CLDN2: variants seen among roughly 807,000 people sequenced by gnomAD.
CLDN2 encodes claudin 2.
CLDN2 carries 1 observed loss-of-function variant against 8.2 expected under a neutral mutation model. That is an observed-to-expected ratio of 0.12 (90% CI 0.04 to 0.58). The LOEUF (loss-of-function observed/expected upper bound fraction) is 0.58. Among genes scored for constraint, CLDN2 ranks in the 20% least tolerant of loss-of-function variants. The pLI, the probability that CLDN2 is intolerant of heterozygous loss-of-function variation, is 0.90. For missense variants in CLDN2, 108 were observed against 172.9 expected (o/e 0.62, Z 2.11); for synonymous variants, 70 against 70.2 (o/e 1.00, Z 0.01).
chrX:106,903,295 G>T, intron 1 of CLDN2: 7 of 1,190,159 alleles, frequency 5.9e-6, no homozygotes, highest in Non-Finnish European at 1.1e-6. Flanking sequence ...CATTCTTAGG[G>T]GACCAAAGCC....
chrX:106,910,735 A>C (rs1210455470), intron 1 of CLDN2, among the ~76,000 whole-genome samples: 3 of 110,287 alleles, frequency 2.7e-5, no homozygotes, highest in Non-Finnish European at 1.9e-5. Flanking sequence ...ATAAAAGTAA[A>C]GGTCAGCAGA....
rs762850832 is a variant in CLDN2, at chrX:106,930,742, A to T, written c.*1821A>T. 1 of 123,278 alleles carries T rather than the reference A, an allele frequency of 8.1e-6. No individual in the cohort carries two copies. The highest frequency in any genetic ancestry group is 3.2e-5 in the African/African-American group (1 of 30,817). 10.2% of individuals were successfully genotyped at this position (123,278 alleles called of 1,213,427 possible). ...TTTGTGTGTGTGTGTCCGATCTCACAAGTATATTGTAAACCCTTCGGTGGG... is the reference window on the plus strand; with the variant it reads ...TTTGTGTGTGTGTGTCCGATCTCACTAGTATATTGTAAACCCTTCGGTGGG... On this transcript the variant is annotated 3_prime_UTR_variant, in exon 2 of 2. Coordinates refer to ENST00000336803, the MANE Select transcript of CLDN2 (RefSeq NM_020384.4).
upstream of CLDN2, among the ~76,000 whole-genome samples, chrX:106,916,321 C>A: frequency 9.0e-6 from 1 of 110,666 alleles, no homozygotes. Flanking sequence ...GAGTTCCAGG[C>A]AGAAGGAACA....
chrX:106,924,329 C>T (rs145068550), intron 1 of CLDN2, among the ~76,000 whole-genome samples: 3,368 of 110,618 alleles, frequency 0.03, 136 homozygotes, highest in African/African-American at 0.1. Context: ...ATGTTTGAAG[C>T]AGTCATCAGA....
upstream of CLDN2, among the ~76,000 whole-genome samples, chrX:106,916,382 T>C (rs1464163614): frequency 1.2e-4 from 13 of 110,909 alleles, no homozygotes; most frequent in Non-Finnish European, 2.5e-4. Context: ...CTTGAGAAAC[T>C]GAAAGGAAGC....
chrX:106,913,160 T>C (rs1167181545), intron 1 of CLDN2, among the ~76,000 whole-genome samples: 1 of 110,742 alleles, frequency 9.0e-6, no homozygotes, highest in Admixed American at 9.6e-5. Context: ...AGTGGCACAA[T>C]CTTGGCTCAC....
At chrX:106,922,312 G>A (rs1436795423) in intron 1 of CLDN2, among the ~76,000 whole-genome samples, 1 of 112,632 alleles carries the variant, frequency 8.9e-6, no homozygotes, top group African/African-American at 3.2e-5. Context: ...CCTCCTGCCT[G>A]GGCATGCTGC....
chrX:106,901,422 C>T, intron 1 of CLDN2: 1 of 1,106,786 alleles, frequency 9.0e-7, no homozygotes, highest in Non-Finnish European at 1.2e-6. Context: ...TGTGAAGATT[C>T]AAAGAGCTAA....
intron 1 of CLDN2, among the ~76,000 whole-genome samples, chrX:106,923,305 G>A (rs968789048): frequency 8.9e-6 from 1 of 112,583 alleles, no homozygotes; most frequent in African/African-American, 3.2e-5. Context: ...ATGGCAAAGC[G>A]TGAGGTGAAA....
intron 1 of CLDN2, chrX:106,902,302 G>C: frequency 6.4e-6 from 5 of 786,147 alleles, no homozygotes; most frequent in South Asian, 2.5e-5. Flanking sequence ...CAAAAGCTTG[G>C]CTCAGGTGCC....
At chrX:106,902,276 A>G in intron 1 of CLDN2, 2 of 978,396 alleles carry the variant, frequency 2.0e-6, no homozygotes, top group South Asian at 4.3e-5. Flanking sequence ...GCTCCCTGAG[A>G]TAACAAGAGA....
chrX:106,914,233 G>A (rs1933284293), upstream of CLDN2, among the ~76,000 whole-genome samples: 1 of 110,829 alleles, frequency 9.0e-6, no homozygotes, highest in Non-Finnish European at 1.9e-5. Flanking sequence ...TTACAGGTGT[G>A]AGCCACCGCA....
intron 1 of CLDN2, among the ~76,000 whole-genome samples, chrX:106,905,338 T>C (rs1021007398): frequency 8.9e-6 from 1 of 111,900 alleles, no homozygotes; most frequent in African/African-American, 3.3e-5. Flanking sequence ...ATGAGTTCAG[T>C]GAAATGTGCT....
chrX:106,927,756 C>A (rs1308857476), intron 1 of CLDN2, among the ~76,000 whole-genome samples: 1 of 112,088 alleles, frequency 8.9e-6, no homozygotes, highest in Admixed American at 9.4e-5. Flanking sequence ...ATGTATTAAA[C>A]AGCAGGCCTT....
At chrX:106,923,538 A>C (rs1444418747) in intron 1 of CLDN2, among the ~76,000 whole-genome samples, 1 of 111,850 alleles carries the variant, frequency 8.9e-6, no homozygotes, top group African/African-American at 3.3e-5. Flanking sequence ...GGCAGACCTG[A>C]TGGTACATTA....
intron 1 of CLDN2, among the ~76,000 whole-genome samples, chrX:106,925,775 G>T (rs1933457370): frequency 8.9e-6 from 1 of 112,542 alleles, no homozygotes; most frequent in South Asian, 3.7e-4. Flanking sequence ...GGGAGGCTGA[G>T]GTGGGCGGAT....
chrX:106,901,996 G>T, intron 1 of CLDN2: 1 of 481,870 alleles, frequency 2.1e-6, no homozygotes, highest in Non-Finnish European at 3.6e-6. Flanking sequence ...GCTCTCTGTT[G>T]GAATCAAATG....
At chrX:106,907,518 T>C (rs372627059) in intron 1 of CLDN2, among the ~76,000 whole-genome samples, 7 of 110,583 alleles carry the variant, frequency 6.3e-5, no homozygotes, top group African/African-American at 9.8e-5. Context: ...CTGGCCAACA[T>C]GGCAAAACCC....
intron 1 of CLDN2, among the ~76,000 whole-genome samples, chrX:106,904,322 C>T (rs1341008587): frequency 2.7e-5 from 3 of 113,193 alleles, no homozygotes; most frequent in African/African-American, 9.6e-5. Context: ...CTAGTTACAA[C>T]TACTGGCAGG....
Sources: gnomAD v4.1 joint callset for allele counts (sites outside exome capture counted in the v4.1 genomes callset) on GRCh38, gnomAD v4.1.1 for gene constraint, MANE v1.5 for transcripts, NCBI Gene and HGNC (gene_info 2026-07-23, HGNC 2026-07-21) for gene names.